Variants in LPCAT1 observed in about 807,000 individuals in gnomAD.
LPCAT1 encodes the protein 1-acylglycerol-3-phosphate O-acyltransferase.
In LPCAT1, 23 loss-of-function variants were observed where a neutral mutation model predicts 60.9. The observed-to-expected ratio is 0.38, with a 90% CI of 0.27 to 0.53. The LOEUF is 0.53. LPCAT1 is among the 20% of genes least tolerant of loss of function. The pLI is 0.82. For synonymous variants in LPCAT1, 340 were observed against 301.1 expected, an observed-to-expected ratio of 1.13 and a Z score of -1.34; for missense variants, 622 against 723.6, an observed-to-expected ratio of 0.86 and a Z score of 1.61.
At chr5:1,516,336 G>A (rs1053754830) in intron 1 of LPCAT1, among the ~76,000 whole-genome samples, 32 of 152,194 alleles carry the variant, frequency 2.1e-4, no homozygotes, top group Admixed American at 1.8e-3. Context: ...GATTCACATG[G>A]CACACAGGTG....
chr5:1,495,328 T>G lies in LPCAT1; in HGVS notation c.279-414A>C, dbSNP rs1735746944. On this transcript the variant is annotated intron_variant, in intron 2 of 13. Coordinates refer to ENST00000283415, the MANE Select transcript of LPCAT1 (RefSeq NM_024830.5). The surrounding 1 kb of genome is among the most constrained non-coding windows in gnomAD (Gnocchi z 4.7). ...AAAACACCTAAAACGCATATCGCAA[T>G]ATGGGGGGGGGGGCGCTCAGAGCTG... Among the ~76,000 whole-genome samples, 2 of 88,244 alleles carry G rather than the reference T, an allele frequency of 2.3e-5. No homozygotes were observed. Among genetic ancestry groups the G allele is most frequent in the South Asian group, 5.1e-4 (1 of 1,974 alleles). 57.9% of individuals were successfully genotyped at this position (88,244 alleles called of 152,430 possible). A position where few individuals can be genotyped will look rare whatever the true frequency, so the allele number is the denominator to read the frequency against.
intron 2 of LPCAT1, among the ~76,000 whole-genome samples, chr5:1,498,339 C>G (rs993991379): frequency 6.6e-6 from 1 of 152,164 alleles, no homozygotes; most frequent in African/African-American, 2.4e-5. Context: ...CTTCAAGCAC[C>G]AAGCCAAGCC....
intron 5 of LPCAT1, among the ~76,000 whole-genome samples, chr5:1,485,005 G>A (rs1423174780): frequency 6.6e-6 from 1 of 152,136 alleles, no homozygotes; most frequent in Non-Finnish European, 1.5e-5. Context: ...CGGCAGCCGA[G>A]TCCCAGCCCC....
chr5:1,463,696 T>C lies in LPCAT1; in HGVS notation c.1560A>G (p.Glu520=). The C allele has an allele frequency of 6.2e-7, 1 of 1,614,236 alleles. No individual in the cohort carries two copies. The highest frequency in any genetic ancestry group is 8.5e-7 in the Non-Finnish European group (1 of 1,180,046). Residue 520 remains glutamate, a synonymous_variant, in exon 14 of 14, where the codon GAA becomes GAG. Coordinates refer to ENST00000283415, the MANE Select transcript of LPCAT1 (RefSeq NM_024830.5). The stretch of plus-strand genomic sequence containing the variant: ...CAGGCTTCCGCCCAGCGTCTGAGTT[T>C]TCCGGGCTGAAATCGGCACAGAAGC... ...PNGFCADFSP[E]NSDAGRKPVR...
At chr5:1,505,875 A>G (rs1736171544) in intron 1 of LPCAT1, among the ~76,000 whole-genome samples, 1 of 152,166 alleles carries the variant, frequency 6.6e-6, no homozygotes, top group Admixed American at 6.5e-5. Flanking sequence ...CCTCTATGGG[A>G]AAGAATGCCT....
intron 13 of LPCAT1, among the ~76,000 whole-genome samples, chr5:1,465,211 C>T (rs1734315093): frequency 6.7e-6 from 1 of 149,710 alleles, no homozygotes; most frequent in Non-Finnish European, 1.5e-5. Flanking sequence ...ACTAAACACA[C>T]ATGCGTGCAC....
chr5:1,464,855 C>G (rs7721946), intron 13 of LPCAT1, among the ~76,000 whole-genome samples: 94,266 of 150,094 alleles, frequency 0.63, 29,749 homozygotes, highest in South Asian at 0.75. Context: ...TGTGTGCACA[C>G]ACAGTAAACA....
In LPCAT1 at chr5:1,473,956, C is replaced by T. The variant is rs1216172864; in HGVS notation, c.1179+1G>A. 1 of 1,614,028 alleles carries T rather than the reference C, an allele frequency of 6.2e-7. No individual in the cohort carries two copies. Among genetic ancestry groups the T allele is most frequent in the Non-Finnish European group, 8.5e-7 (1 of 1,179,964 alleles). On this transcript the variant is annotated splice_donor_variant, in intron 11 of 13. Transcript: ENST00000283415. LOFTEE classifies it high-confidence loss of function. ...CCCGCTCCGCAGGCGACAGGCCCTA[C>T]CTCGTCGAACAGTGAAAACATGTCT...
chr5:1,478,362 C>A (rs1388604377), intron 8 of LPCAT1, among the ~76,000 whole-genome samples: 1 of 152,270 alleles, frequency 6.6e-6, no homozygotes, highest in Non-Finnish European at 1.5e-5. Flanking sequence ...GCCATGGTTC[C>A]TTGCATCAAC....
chr5:1,474,055 T>C lies in LPCAT1; in HGVS notation c.1081A>G (p.Met361Val). ...DLDRYSERARMKGGEKIGIAE... is the reference protein window; with the variant it reads ...DLDRYSERARVKGGEKIGIAE... ...ATACCTATCTTCTCTCCTCCCTTCA[T>C]CCTGGCTCTTTCTGAGTATCTGTCC... The change falls in exon 11 of 14, where the codon ATG (methionine) becomes GTG (valine). Residue 361 changes from methionine to valine, a missense_variant. Met to Val is a conservative substitution (Grantham distance 21). Transcript: ENST00000283415. 6.2e-7 allele frequency: 1 copy of C among 1,614,208 alleles called. No individual in the cohort carries two copies. Among genetic ancestry groups the C allele is most frequent in the Non-Finnish European group, 8.5e-7 (1 of 1,180,032 alleles).
chr5:1,510,234 G>A (rs1201212019), intron 1 of LPCAT1, among the ~76,000 whole-genome samples: 7 of 152,054 alleles, frequency 4.6e-5, no homozygotes, highest in African/African-American at 1.7e-4. Context: ...CCCACAGCCC[G>A]TGCTTACTGC....
chr5:1,489,681 C>G, intron 4 of LPCAT1, 65 bp downstream of exon 4: 1 of 1,191,272 alleles, frequency 8.4e-7, no homozygotes, highest in Non-Finnish European at 1.3e-6. Flanking sequence ...TCTTTCTCCC[C>G]ACTCGCGAAG....
At chr5:1,470,162 T>C (rs1466776291) in intron 12 of LPCAT1, among the ~76,000 whole-genome samples, 1 of 152,236 alleles carries the variant, frequency 6.6e-6, no homozygotes, top group Non-Finnish European at 1.5e-5. Context: ...CTTGGTAAAG[T>C]TGTGCCTCTG....
chr5:1,476,919 T>G lies in LPCAT1; in HGVS notation c.899+485A>C, dbSNP rs757627817. Among the ~76,000 whole-genome samples, 2 of 152,004 alleles carry G rather than the reference T, an allele frequency of 1.3e-5. No individual in the cohort carries two copies. Among genetic ancestry groups the G allele is most frequent in the Non-Finnish European group, 2.9e-5 (2 of 67,992 alleles). On this transcript the variant is annotated intron_variant, in intron 9 of 13. Coordinates refer to ENST00000283415, the MANE Select transcript of LPCAT1 (RefSeq NM_024830.5). This position sits in a 1 kb window ranked among gnomAD's most constrained non-coding sequence, Gnocchi z 8.6. ...CTGGGACCATGGGAAGCGAGGACATTCCCTCTTCCTAACTGCATGCACGAC... is the reference window on the plus strand; with the variant it reads ...CTGGGACCATGGGAAGCGAGGACATGCCCTCTTCCTAACTGCATGCACGAC...
chr5:1,474,550 A>G lies in LPCAT1; in HGVS notation c.1025+10T>C. The G allele has an allele frequency of 6.2e-7, 1 of 1,613,588 alleles. No homozygotes were observed. ...AGCTAATGCTCAAGGAAGAAGAACC[A>G]GGTACTCACCCGAGGCCCCGCACGA... On this transcript the variant is annotated intron_variant, in intron 10 of 13. Coordinates refer to ENST00000283415, the MANE Select transcript of LPCAT1 (RefSeq NM_024830.5).
At chr5:1,501,351 G>C in intron 2 of LPCAT1, 110 bp downstream of exon 2, 2 of 1,415,760 alleles carry the variant, frequency 1.4e-6, no homozygotes, top group Non-Finnish European at 1.9e-6. Context: ...CAGAAGGGAA[G>C]GACAGATGGG....
At chr5:1,516,299 T>G (rs10039419) in intron 1 of LPCAT1, among the ~76,000 whole-genome samples, 1 of 152,154 alleles carries the variant, frequency 6.6e-6, no homozygotes, top group African/African-American at 2.4e-5. Flanking sequence ...GATGGATGCA[T>G]GGGACCCAGG....
chr5:1,468,071 C>T (rs893099203), intron 12 of LPCAT1, among the ~76,000 whole-genome samples: 1 of 152,158 alleles, frequency 6.6e-6, no homozygotes, highest in Non-Finnish European at 1.5e-5. Flanking sequence ...CTCCTCCTTG[C>T]GGTGCTCAGG....
Position 1,523,683 on chromosome 5 carries a change from C to T in LPCAT1, c.135+27G>A. 9.2e-7 allele frequency: 1 copy of T among 1,083,982 alleles called. No individual in the cohort carries two copies. Among genetic ancestry groups the T allele is most frequent in the African/African-American group, 1.7e-5 (1 of 58,930 alleles). The allele number at this position is 1,083,982 out of a possible 1,614,324, so 67.1% of individuals were successfully genotyped here. A position where few individuals can be genotyped will look rare whatever the true frequency, so the allele number is the denominator to read the frequency against. On this transcript the variant is annotated intron_variant, in intron 1 of 13. Transcript: ENST00000283415. This position sits in a 1 kb window ranked among gnomAD's most constrained non-coding sequence, Gnocchi z 7.1. ...GCATCCCTGGCGTCCGCGCCGGCTC[C>T]CGGGGCCGCGCGCCCTGGGCACCCA...
Sources: gnomAD v4.1 joint callset for allele counts (sites outside exome capture counted in the v4.1 genomes callset) on GRCh38, gnomAD v4.1.1 for gene constraint, Gnocchi (gnomAD v3.1) non-coding constraint, MANE v1.5 for transcripts, NCBI Gene and HGNC (gene_info 2026-07-23, HGNC 2026-07-21) for gene names.